The following LRP1B variants were observed in gnomAD, a reference collection of about 807,000 sequenced individuals.
The protein encoded by LRP1B is low-density lipoprotein receptor-related protein 1B.
A neutral mutation model predicts 556.6 loss-of-function variants in LRP1B; 217 were observed. That is an observed-to-expected ratio of 0.39 (90% CI 0.35 to 0.44). The LOEUF (loss-of-function observed/expected upper bound fraction) is 0.44. Among genes scored for constraint, LRP1B ranks in the 20% least tolerant of loss-of-function variants. The pLI, the probability that LRP1B is intolerant of heterozygous loss-of-function variation, is 1.00. For missense variants in LRP1B, 5,053 were observed against 5,620.8 expected (o/e 0.90, Z 3.23); for synonymous variants, 2,047 against 1,865.8 (o/e 1.10, Z -2.50).
At chr2:140,686,150 G>T (rs144943717) in intron 41 of LRP1B, among the ~76,000 whole-genome samples, 2 of 152,122 alleles carry the variant, frequency 1.3e-5, no homozygotes, top group African/African-American at 4.8e-5. Context: ...AAAAGGATGT[G>T]AGTAGGACTA....
chr2:140,995,872 CCTGTAT>C (rs1272332129), intron 15 of LRP1B, among the ~76,000 whole-genome samples: 2 of 151,950 alleles, frequency 1.3e-5, no homozygotes, highest in African/African-American at 4.8e-5. Flanking sequence ...TTACTATTCT[CCTGTAT>C]CTAAGTGAAT....
At chr2:141,342,118 C>A (rs1205868341) in intron 3 of LRP1B, among the ~76,000 whole-genome samples, 1 of 151,202 alleles carries the variant, frequency 6.6e-6, no homozygotes, top group African/African-American at 2.4e-5. Context: ...GTGGTGGGCG[C>A]CTGTAGTCCT....
chr2:140,688,019 A>G (rs1240389686), intron 41 of LRP1B, among the ~76,000 whole-genome samples: 2 of 152,074 alleles, frequency 1.3e-5, no homozygotes, highest in African/African-American at 4.8e-5. Flanking sequence ...TAATATGTAC[A>G]CTGTCTTTTA....
intron 1 of LRP1B, among the ~76,000 whole-genome samples, chr2:141,888,619 A>G (rs1699194111): frequency 6.6e-6 from 1 of 152,190 alleles, no homozygotes; most frequent in Non-Finnish European, 1.5e-5. Flanking sequence ...ACAGACAAGA[A>G]AATTCCACAA....
chr2:140,443,397 AG>A (rs1195134023), intron 65 of LRP1B, among the ~76,000 whole-genome samples: 1 of 152,168 alleles, frequency 6.6e-6, no homozygotes, highest in Non-Finnish European at 1.5e-5. Context: ...CATCCAACTT[AG>A]ACTGTAAACT....
At chr2:141,895,553 C>T (rs191077978) in intron 1 of LRP1B, among the ~76,000 whole-genome samples, 131 of 152,220 alleles carry the variant, frequency 8.6e-4, no homozygotes, top group African/African-American at 3.0e-3. Flanking sequence ...TTAGTGAGGA[C>T]TGGAGGAAAG....
chr2:141,303,837 A>G lies in LRP1B; in HGVS notation c.344-49196T>C, dbSNP rs111555653. 2.5e-3 allele frequency among the ~76,000 whole-genome samples: 377 copies of G among 152,288 alleles called. 4 individuals are homozygous for G. Among genetic ancestry groups the G allele is most frequent in the African/African-American group, 8.3e-3 (344 of 41,578 alleles). Reference sequence around the variant, plus strand: ...AGTTTTAGTTTTTAAGCAAATCTCCATACTGTTTTCCATACTGGCTGTACT... The same window carrying G: ...AGTTTTAGTTTTTAAGCAAATCTCCGTACTGTTTTCCATACTGGCTGTACT... On this transcript the variant is annotated intron_variant, in intron 3 of 90. Transcript: ENST00000389484.
At chr2:141,932,140 C>T (rs1286812008) in intron 1 of LRP1B, among the ~76,000 whole-genome samples, 1 of 151,892 alleles carries the variant, frequency 6.6e-6, no homozygotes, top group Non-Finnish European at 1.5e-5. Context: ...AAAAGACAAC[C>T]TCAATTTTCA....
chr2:141,839,181 G>T (rs1697383322), intron 1 of LRP1B, among the ~76,000 whole-genome samples: 1 of 152,136 alleles, frequency 6.6e-6, no homozygotes, highest in East Asian at 1.9e-4. Flanking sequence ...CCAAAATTGT[G>T]TTTCCTATAT....
At chr2:141,138,522 A>G (rs1701545310) in intron 7 of LRP1B, among the ~76,000 whole-genome samples, 1 of 151,974 alleles carries the variant, frequency 6.6e-6, no homozygotes, top group South Asian at 2.1e-4. Flanking sequence ...GGAATCTACT[A>G]AAAAGATACT....
chr2:140,799,130 C>T (rs540724143), intron 32 of LRP1B, among the ~76,000 whole-genome samples: 2 of 152,176 alleles, frequency 1.3e-5, no homozygotes, highest in South Asian at 4.1e-4. Flanking sequence ...AACATATTTG[C>T]AATTAAAATA....
intron 7 of LRP1B, among the ~76,000 whole-genome samples, chr2:141,114,478 C>T (rs1256595539): frequency 6.6e-5 from 10 of 152,058 alleles, no homozygotes; most frequent in African/African-American, 2.4e-4. Flanking sequence ...ACGATCTTCC[C>T]CTGGAATTTG....
intron 1 of LRP1B, among the ~76,000 whole-genome samples, chr2:141,833,251 C>T (rs1036726932): frequency 4.0e-5 from 6 of 151,660 alleles, no homozygotes; most frequent in South Asian, 4.1e-4. Context: ...CCTCTCTAAA[C>T]GTATTAAATG....
intron 87 of LRP1B, among the ~76,000 whole-genome samples, chr2:140,242,478 C>T (rs1680988911): frequency 6.6e-6 from 1 of 151,174 alleles, no homozygotes; most frequent in Admixed American, 6.6e-5. Context: ...ATCTTAAGTG[C>T]TTGCTGTGCT....
At chr2:141,015,960 A>G (rs750166818) in intron 12 of LRP1B, 45 bp from the exon 13 acceptor site, 6 of 1,415,982 alleles carry the variant, frequency 4.2e-6, no homozygotes, top group Non-Finnish European at 5.0e-6. Flanking sequence ...TGTTATTACA[A>G]CCAGCCACAG....
At chr2:141,111,490 C>T (rs144596864) in intron 7 of LRP1B, among the ~76,000 whole-genome samples, 2 of 152,062 alleles carry the variant, frequency 1.3e-5, no homozygotes, top group East Asian at 3.9e-4. Flanking sequence ...AGGAAAGAGT[C>T]CCCAGAGAAC....
chr2:141,258,396 G>A (rs1573721668), intron 3 of LRP1B, among the ~76,000 whole-genome samples: 3 of 152,196 alleles, frequency 2.0e-5, no homozygotes, highest in Admixed American at 2.0e-4. Flanking sequence ...TGAGGCAGGA[G>A]AATCGCTTGA....
chr2:141,538,626 T>C (rs1685141951), intron 2 of LRP1B, among the ~76,000 whole-genome samples: 1 of 137,678 alleles, frequency 7.3e-6, no homozygotes, highest in Non-Finnish European at 1.6e-5. Flanking sequence ...AAAGACACCC[T>C]GAAAAAAACT....
intron 66 of LRP1B, among the ~76,000 whole-genome samples, chr2:140,437,148 ATG>A (rs1686219220): frequency 6.6e-6 from 1 of 152,148 alleles, no homozygotes; most frequent in Non-Finnish European, 1.5e-5. Flanking sequence ...GTGAGTGAGG[ATG>A]CCTGCACTTC....
Sources: allele counts gnomAD v4.1 joint callset (sites outside exome capture counted in the v4.1 genomes callset), GRCh38; gene constraint gnomAD v4.1.1; transcripts MANE v1.5; gene names NCBI Gene and HGNC (gene_info 2026-07-23, HGNC 2026-07-21).